Variants in KCNQ1 observed in about 807,000 individuals in gnomAD.
KCNQ1 encodes the protein potassium voltage-gated channel subfamily KQT member 1.
Under a neutral mutation model 72.4 loss-of-function variants are expected in KCNQ1, and 49 were observed. The observed-to-expected ratio is 0.68, with a 90% CI of 0.54 to 0.86. The LOEUF (loss-of-function observed/expected upper bound fraction) is 0.86, where lower values mean the gene tolerates loss of function less well. Among genes scored for constraint, KCNQ1 ranks in the 40% least tolerant of loss-of-function variants. The pLI, the probability that KCNQ1 is intolerant of heterozygous loss-of-function variation, is 0.00. For synonymous variants in KCNQ1, 450 were observed against 412.6 expected, an observed-to-expected ratio of 1.09 and a Z score of -1.10; for missense variants, 790 against 945.1, an observed-to-expected ratio of 0.84 and a Z score of 2.15.
chr11:2,733,369 C>T (rs548944043), intron 11 of KCNQ1, among the ~76,000 whole-genome samples: 1 of 152,274 alleles, frequency 6.6e-6, no homozygotes, highest in Admixed American at 6.5e-5. Flanking sequence ...CCCCGACCCT[C>T]ACTTTCCCAC....
At position 2,821,644 on chromosome 11, in the gene KCNQ1, G is replaced by A. The variant is rs35899328; in HGVS notation, c.1795-26123G>A. Among the ~76,000 whole-genome samples, 846 of 152,214 alleles carry A rather than the reference G, an allele frequency of 5.6e-3. 10 individuals are homozygous for A. The highest frequency in any genetic ancestry group is 0.019 in the African/African-American group (797 of 41,518). On this transcript the variant is annotated intron_variant, in intron 15 of 15. Coordinates refer to ENST00000155840, the MANE Select transcript of KCNQ1 (RefSeq NM_000218.3). ...CCAAGGCCTTTGGGATGGGCCTTGC[G>A]TGCTGCCCTTCTGCTGGAAACCCTC...
chr11:2,512,709 A>G (rs1438169896), intron 1 of KCNQ1, among the ~76,000 whole-genome samples: 1 of 152,162 alleles, frequency 6.6e-6, no homozygotes, highest in Non-Finnish European at 1.5e-5. Context: ...TCTCTGGTCC[A>G]GCCTGCTGTT....
rs892850102 is a variant in KCNQ1, at chr11:2,746,517, G to C, written c.1515-22327G>C. Among the ~76,000 whole-genome samples, 1 of 152,174 alleles carries C rather than the reference G, an allele frequency of 6.6e-6. No homozygotes were observed. The highest frequency in any genetic ancestry group is 2.4e-5 in the African/African-American group (1 of 41,426). Reference sequence around the variant, plus strand: ...GACTGTTTCCCAGGCTCTCCTTGTTGGTGGTGACCTGGACGGTTCAGAGGA... The same window carrying C: ...GACTGTTTCCCAGGCTCTCCTTGTTCGTGGTGACCTGGACGGTTCAGAGGA... On this transcript the variant is annotated intron_variant, in intron 11 of 15. Coordinates refer to ENST00000155840, the MANE Select transcript of KCNQ1 (RefSeq NM_000218.3). The surrounding 1 kb of genome is among the most constrained non-coding windows in gnomAD (Gnocchi z 5.9).
chr11:2,513,076 T>A (rs993629977), intron 1 of KCNQ1, among the ~76,000 whole-genome samples: 1 of 151,996 alleles, frequency 6.6e-6, no homozygotes, highest in African/African-American at 2.4e-5. Context: ...AGGAGAGAGC[T>A]CCCGAGGAGA....
intron 15 of KCNQ1, among the ~76,000 whole-genome samples, chr11:2,843,129 C>G (rs1848248132): frequency 6.6e-6 from 1 of 152,206 alleles, no homozygotes; most frequent in African/African-American, 2.4e-5. Flanking sequence ...GGCAGCTGCC[C>G]CAAGGCCTGG....
rs1846214355 is a variant in KCNQ1 at position 2,457,496 on chromosome 11, G to GT, written c.386+12014dup. 1.3e-5 allele frequency among the ~76,000 whole-genome samples: 2 copies of GT among 152,282 alleles called. No individual in the cohort carries two copies. The highest frequency in any genetic ancestry group is 6.5e-5 in the Admixed American group (1 of 15,294). On this transcript the variant is annotated intron_variant, in intron 1 of 15. Transcript: ENST00000155840. This position sits in a 1 kb window ranked among gnomAD's most constrained non-coding sequence, Gnocchi z 5.0. ...AGCAACATGGATGCAGCTGGAGGTC[G>GT]TTATCCTAAGTGAATTAATGCAGAA...
At position 2,745,370 on chromosome 11, in the gene KCNQ1, T is replaced by C. The variant is rs1846121037; in HGVS notation, c.1515-23474T>C. Among the ~76,000 whole-genome samples the C allele has an allele frequency of 6.6e-6, 1 of 152,230 alleles. No homozygotes were observed. The highest frequency in any genetic ancestry group is 1.9e-4 in the East Asian group (1 of 5,192). On this transcript the variant is annotated intron_variant, in intron 11 of 15. Coordinates refer to ENST00000155840, the MANE Select transcript of KCNQ1 (RefSeq NM_000218.3). This position sits in a 1 kb window ranked among gnomAD's most constrained non-coding sequence, Gnocchi z 6.2. ...GGTGGGGTCTTGCTTCCATTATTCC[T>C]GGATGAGACCTTCTTTCCCCTGCTA...
In KCNQ1 at chr11:2,568,141, C is replaced by T. The variant is rs1400901203; in HGVS notation, c.478-2487C>T. On this transcript the variant is annotated intron_variant, in intron 2 of 15. Coordinates refer to ENST00000155840, the MANE Select transcript of KCNQ1 (RefSeq NM_000218.3). ...CAAAAAAATTAGCCAGGCGTGGTGG[C>T]ATGCGCCTGTAGTCCCAGCTACTCA... 2.0e-5 allele frequency among the ~76,000 whole-genome samples: 3 copies of T among 152,250 alleles called. No homozygotes were observed. The East Asian group carries it at 5.8e-4, about 30-fold the overall frequency.
Position 2,493,697 on chromosome 11 carries a change from A to G in KCNQ1, c.387-34231A>G, listed in dbSNP as rs1213186625. Among the ~76,000 whole-genome samples, 1 of 152,048 alleles carries G rather than the reference A, an allele frequency of 6.6e-6. No individual in the cohort carries two copies. The highest frequency in any genetic ancestry group is 1.5e-5 in the Non-Finnish European group (1 of 68,008). On this transcript the variant is annotated intron_variant, in intron 1 of 15. Transcript: ENST00000155840. The surrounding 1 kb of genome is among the most constrained non-coding windows in gnomAD (Gnocchi z 5.3). ...ATTTCTGAGGTCTCTGTTCTGTTCC[A>G]TTGGTTTATATATCTGTCTTCATAC... is the stretch of plus-strand genomic sequence containing the variant.
At chr11:2,794,411 C>T (rs1847090188) in intron 15 of KCNQ1, among the ~76,000 whole-genome samples, 1 of 152,144 alleles carries the variant, frequency 6.6e-6, no homozygotes, top group Non-Finnish European at 1.5e-5. Context: ...AACCAAAACC[C>T]CAGTGCTTAG....
chr11:2,639,873 C>T (rs1260214871), intron 10 of KCNQ1: 1 of 153,026 alleles, frequency 6.5e-6, no homozygotes, highest in Non-Finnish European at 1.5e-5. Flanking sequence ...GTTCGAGCTT[C>T]CTGGCCACTT....
chr11:2,790,218 C>T (rs1846993924), intron 15 of KCNQ1, among the ~76,000 whole-genome samples: 1 of 152,206 alleles, frequency 6.6e-6, no homozygotes, highest in South Asian at 2.1e-4. Context: ...AGAAGCCTGT[C>T]TGATGTGGCT....
intron 14 of KCNQ1, among the ~76,000 whole-genome samples, chr11:2,777,257 T>C (rs1035424706): frequency 2.6e-5 from 4 of 150,996 alleles, no homozygotes; most frequent in Non-Finnish European, 4.4e-5. Flanking sequence ...AGAACCTACC[T>C]GGGTCCCTTT....
intron 2 of KCNQ1, among the ~76,000 whole-genome samples, chr11:2,558,962 TG>T (rs1477485643): frequency 1.3e-5 from 2 of 152,044 alleles, no homozygotes; most frequent in Admixed American, 1.3e-4. Flanking sequence ...CACCCACACA[TG>T]GGGCCAGCTG....
At chr11:2,472,591 A>G (rs1189072312) in intron 1 of KCNQ1, among the ~76,000 whole-genome samples, 3 of 152,058 alleles carry the variant, frequency 2.0e-5, no homozygotes. Flanking sequence ...TGAAAAAAGC[A>G]AGGCAGAGCG....
chr11:2,616,195 C>A, intron 10 of KCNQ1: 2 of 396,618 alleles, frequency 5.0e-6, no homozygotes, highest in Non-Finnish European at 8.9e-6. Context: ...TTATATCGTT[C>A]CCACTTTTGT....
At chr11:2,812,559 C>T (rs1013884698) in intron 15 of KCNQ1, among the ~76,000 whole-genome samples, 1 of 152,228 alleles carries the variant, frequency 6.6e-6, no homozygotes, top group Non-Finnish European at 1.5e-5. Context: ...GAGCTCCTTC[C>T]CGGAGAGGAG....
In KCNQ1 at chr11:2,848,323, T is replaced by C. The variant is rs1472614251; in HGVS notation, c.*320T>C. On this transcript the variant is annotated 3_prime_UTR_variant, in exon 16 of 16. Transcript: ENST00000155840. Reference sequence around the variant, plus strand: ...GTGGCAGGGCACAGGGCCTGGCCCATGTATGGCCAGGAAGTAGCACAGGCT... The same window carrying C: ...GTGGCAGGGCACAGGGCCTGGCCCACGTATGGCCAGGAAGTAGCACAGGCT... 2.2e-5 allele frequency: 13 copies of C among 600,100 alleles called. No individual in the cohort carries two copies. The highest frequency in any genetic ancestry group is 6.9e-5 in the East Asian group (2 of 29,068). The allele number at this position is 600,100 out of a possible 1,614,324, so 37.2% of individuals were successfully genotyped here. A position where few individuals can be genotyped will look rare whatever the true frequency, so the allele number is the denominator to read the frequency against.
intron 11 of KCNQ1, chr11:2,672,038 C>A: frequency 2.5e-6 from 1 of 398,694 alleles, no homozygotes; most frequent in South Asian, 1.3e-4. Flanking sequence ...CTGGCCCGGT[C>A]TGCACTCAAG....
Sources: gnomAD v4.1 joint callset for allele counts (sites outside exome capture counted in the v4.1 genomes callset) on GRCh38, gnomAD v4.1.1 for gene constraint, Gnocchi (gnomAD v3.1) non-coding constraint, MANE v1.5 for transcripts, NCBI Gene and HGNC (gene_info 2026-07-23, HGNC 2026-07-21) for gene names.